The following CNTNAP2 variants were observed in gnomAD, a reference collection of about 807,000 sequenced individuals.
CNTNAP2 encodes contactin-associated protein-like 2.
CNTNAP2 carries 98 observed loss-of-function variants against 155.2 expected under a neutral mutation model. The observed-to-expected ratio is 0.63, with a 90% CI of 0.54 to 0.75. CNTNAP2 has a LOEUF of 0.75. CNTNAP2 is among the 30% of genes least tolerant of loss of function. CNTNAP2 has a pLI of 0.00. For missense variants in CNTNAP2, 1,727 were observed against 1,688.1 expected (o/e 1.02, Z -0.40); for synonymous variants, 651 against 631.2 (o/e 1.03, Z -0.47).
At chr7:147,578,936 A>G (rs1365025932) in intron 12 of CNTNAP2, among the ~76,000 whole-genome samples, 1 of 152,094 alleles carries the variant, frequency 6.6e-6, no homozygotes, top group Non-Finnish European at 1.5e-5. Context: ...TCTCATCAAT[A>G]TTATTTTAAA....
chr7:147,856,865 C>G (rs1302191165), intron 13 of CNTNAP2, among the ~76,000 whole-genome samples: 1 of 151,956 alleles, frequency 6.6e-6, no homozygotes, highest in East Asian at 1.9e-4. Context: ...TCCAGATCTT[C>G]CTTAAAAGTC....
intron 2 of CNTNAP2, among the ~76,000 whole-genome samples, chr7:146,788,693 C>G (rs1473558673): frequency 6.6e-6 from 1 of 152,108 alleles, no homozygotes; most frequent in East Asian, 1.9e-4. Context: ...TTAGATAGAT[C>G]AGTCTTCTTA....
At chr7:148,216,121 A>G (rs1795634776) in intron 18 of CNTNAP2, among the ~76,000 whole-genome samples, 2 of 152,164 alleles carry the variant, frequency 1.3e-5, no homozygotes, top group African/African-American at 4.8e-5. Flanking sequence ...AGCCCTTCAC[A>G]GTGAGTCGGA....
chr7:147,108,180 T>C lies in CNTNAP2; in HGVS notation c.584T>C (p.Val195Ala). 1 of 1,613,690 alleles carries C rather than the reference T, an allele frequency of 6.2e-7. No individual in the cohort carries two copies. Among genetic ancestry groups the C allele is most frequent in the Non-Finnish European group, 8.5e-7 (1 of 1,179,776 alleles). The part of the protein sequence containing the change: ...ADVINFDGHV[V>A]LPYRFRNKKM... ...GTTATCAACTTTGATGGCCATGTTG[T>C]ATTACCATATAGATTCAGAAACAAG... is the stretch of plus-strand genomic sequence containing the variant. Residue 195 changes from valine (V) to alanine (A), a missense_variant, in exon 5 of 24, where the codon GTA becomes GCA. Val to Ala is a moderately conservative substitution (Grantham distance 64). Coordinates refer to ENST00000361727, the MANE Select transcript of CNTNAP2 (RefSeq NM_014141.6).
intron 13 of CNTNAP2, among the ~76,000 whole-genome samples, chr7:147,861,750 T>C (rs1234958158): frequency 1.3e-5 from 2 of 152,100 alleles, no homozygotes; most frequent in African/African-American, 2.4e-5. Context: ...GTGTGGTGGC[T>C]CATGGCTGTA....
intron 4 of CNTNAP2, among the ~76,000 whole-genome samples, chr7:147,047,008 G>T: frequency 6.8e-6 from 1 of 146,274 alleles, no homozygotes. Context: ...CTCCAACCTG[G>T]GCGACAGAGC....
chr7:147,377,808 A>G (rs1370896853), intron 9 of CNTNAP2, among the ~76,000 whole-genome samples: 1 of 151,800 alleles, frequency 6.6e-6, no homozygotes, highest in Non-Finnish European at 1.5e-5. Context: ...ATTGTTCCTT[A>G]GGGATACTCT....
intron 1 of CNTNAP2, among the ~76,000 whole-genome samples, chr7:146,478,084 G>C (rs1273196413): frequency 6.6e-6 from 1 of 152,142 alleles, no homozygotes; most frequent in Non-Finnish European, 1.5e-5. Flanking sequence ...AGAAACACAA[G>C]TTTGAGGCAG....
At chr7:146,999,420 A>G (rs920970898) in intron 3 of CNTNAP2, among the ~76,000 whole-genome samples, 4 of 151,972 alleles carry the variant, frequency 2.6e-5, no homozygotes, top group African/African-American at 7.2e-5. Context: ...TCATATTAAA[A>G]TGTTTGGTTG....
intron 12 of CNTNAP2, among the ~76,000 whole-genome samples, chr7:147,599,141 G>A (rs1224277344): frequency 6.6e-6 from 1 of 151,866 alleles, no homozygotes; most frequent in Non-Finnish European, 1.5e-5. Flanking sequence ...ATAGAACAGG[G>A]GTTAAACGCT....
At chr7:147,017,581 A>G (rs1324359146) in intron 3 of CNTNAP2, among the ~76,000 whole-genome samples, 2 of 152,074 alleles carry the variant, frequency 1.3e-5, no homozygotes, top group Non-Finnish European at 2.9e-5. Flanking sequence ...TAAAAATTAC[A>G]ATTTTTCATA....
At chr7:147,624,990 G>A (rs1217036725) in intron 12 of CNTNAP2, among the ~76,000 whole-genome samples, 3 of 152,108 alleles carry the variant, frequency 2.0e-5, no homozygotes, top group Non-Finnish European at 4.4e-5. Context: ...TATGTTAAGT[G>A]AAATAAGCCA....
At chr7:147,954,866 A>G (rs1049977035) in intron 14 of CNTNAP2, among the ~76,000 whole-genome samples, 1 of 152,242 alleles carries the variant, frequency 6.6e-6, no homozygotes, top group African/African-American at 2.4e-5. Flanking sequence ...GTACAATAGT[A>G]TAAAAAGGCT....
At chr7:147,796,210 T>C (rs1235536005) in intron 13 of CNTNAP2, among the ~76,000 whole-genome samples, 1 of 152,206 alleles carries the variant, frequency 6.6e-6, no homozygotes, top group African/African-American at 2.4e-5. Context: ...TTAAAGGTAT[T>C]TTGTTAGCAA....
chr7:147,240,171 A>T (rs912866466), intron 8 of CNTNAP2, among the ~76,000 whole-genome samples: 1 of 152,226 alleles, frequency 6.6e-6, no homozygotes, highest in Non-Finnish European at 1.5e-5. Context: ...CATGAAAAAC[A>T]AATCAGCTGA....
chr7:147,329,151 C>T (rs1158769021), intron 9 of CNTNAP2, among the ~76,000 whole-genome samples: 1 of 151,992 alleles, frequency 6.6e-6, no homozygotes, highest in Non-Finnish European at 1.5e-5. Context: ...CCCCCACACA[C>T]ACACACACCC....
chr7:146,979,655 T>C (rs1244508737), intron 3 of CNTNAP2, among the ~76,000 whole-genome samples: 1 of 152,104 alleles, frequency 6.6e-6, no homozygotes, highest in East Asian at 1.9e-4. Context: ...TGTTGAGCCA[T>C]AAGTCCAAAA....
intron 2 of CNTNAP2, among the ~76,000 whole-genome samples, chr7:146,802,304 T>A (rs1802892959): frequency 6.6e-6 from 1 of 152,164 alleles, no homozygotes; most frequent in African/African-American, 2.4e-5. Flanking sequence ...AGGTCTCAGT[T>A]TTCTTCAGCA....
chr7:148,409,605 A>G (rs1799780592), intron 23 of CNTNAP2, 134 bp downstream of exon 23: 1 of 777,896 alleles, frequency 1.3e-6, no homozygotes, highest in Non-Finnish European at 2.2e-6. Context: ...AAAGATTATG[A>G]CATATGATGT....
Sources: gnomAD v4.1 joint callset for allele counts (sites outside exome capture counted in the v4.1 genomes callset) on GRCh38, gnomAD v4.1.1 for gene constraint, MANE v1.5 for transcripts, NCBI Gene and HGNC (gene_info 2026-07-23, HGNC 2026-07-21) for gene names.